The following CYP2A7 variants were observed in gnomAD, a reference collection of about 807,000 sequenced individuals.
CYP2A7 encodes cytochrome P450 2A7.
In CYP2A7, 36 loss-of-function variants were observed where a neutral mutation model predicts 42.0. The observed-to-expected ratio is 0.86, with a 90% CI of 0.66 to 1.13. The LOEUF is 1.13. Among genes scored for constraint, CYP2A7 ranks in the 50% most tolerant of loss-of-function variants. CYP2A7 has a pLI of 0.00. For missense variants in CYP2A7, 661 were observed against 634.1 expected (o/e 1.04, Z -0.46); for synonymous variants, 260 against 249.5 (o/e 1.04, Z -0.40).
Position 40,880,083 on chromosome 19 carries a change from C to G in CYP2A7, c.654+1G>C. ...TCACGGGCCGGGCTGCAGCCAGTTA[C>G]CTGCCCCGTGGAGGTTGACGTGAAC... On this transcript the variant is annotated splice_donor_variant, in intron 4 of 8. Coordinates refer to ENST00000301146, the MANE Select transcript of CYP2A7 (RefSeq NM_000764.3). LOFTEE classifies it high-confidence loss of function. 1 of 1,612,612 alleles carries G rather than the reference C, an allele frequency of 6.2e-7. No homozygotes were observed. The highest frequency in any genetic ancestry group is 8.5e-7 in the Non-Finnish European group (1 of 1,179,000).
chr19:40,877,062 G>T, intron 7 of CYP2A7, 128 bp downstream of exon 7: 1 of 1,033,706 alleles, frequency 9.7e-7, no homozygotes, highest in South Asian at 1.5e-5. Flanking sequence ...TGTGGTGGTT[G>T]GGGAAGTCCT....
rs1158141036 is a variant in CYP2A7, at chr19:40,875,838, A to C, written c.1340T>G (p.Met447Arg). 1.9e-6 allele frequency: 3 copies of C among 1,583,404 alleles called. No homozygotes were observed. Among genetic ancestry groups the C allele is most frequent in the Non-Finnish European group, 2.6e-6 (3 of 1,162,388 alleles). Residue 447 changes from methionine (M) to arginine (R), a missense_variant, in exon 9 of 9, where the codon ATG becomes AGG. Physicochemically the swap from Met to Arg is moderately conservative, Grantham distance 91. Around this residue, in one of 3 missense-constraint regions of CYP2A7, gnomAD observed 25 missense variants for 62.4 expected, o/e 0.40. Transcript: ENST00000301146. ...GGTGGTGAAGAAGAGAAAGAGCTCCATTCTGGCCAGGCCTTCTCCGAAACA... is the reference window on the plus strand; with the variant it reads ...GGTGGTGAAGAAGAGAAAGAGCTCCCTTCTGGCCAGGCCTTCTCCGAAACA... ...RNCFGEGLARMELFLFFTTVM... is the reference protein window; with the variant it reads ...RNCFGEGLARRELFLFFTTVM...
At chr19:40,879,598 T>C (rs1480273951) in intron 4 of CYP2A7, among the ~76,000 whole-genome samples, 1 of 151,660 alleles carries the variant, frequency 6.6e-6, no homozygotes, top group African/African-American at 2.4e-5. Flanking sequence ...GTCCATGTTT[T>C]CAGGCATTTA....
At chr19:40,876,397 C>T (rs1967530858) in intron 8 of CYP2A7, 130 bp downstream of exon 8, 1 of 1,487,690 alleles carries the variant, frequency 6.7e-7, no homozygotes, top group Non-Finnish European at 9.3e-7. Flanking sequence ...CAGCTGCTGG[C>T]TCAAGGGTAG....
At chr19:40,879,227 G>A (rs4803389) in intron 4 of CYP2A7, among the ~76,000 whole-genome samples, 75,449 of 151,082 alleles carry the variant, frequency 0.5, 19,661 homozygotes, top group Admixed American at 0.62. Context: ...AGATATTCAA[G>A]TGAAGTTGAG....
At chr19:40,878,293 A>G (rs570628709) in intron 5 of CYP2A7, among the ~76,000 whole-genome samples, 64 of 151,224 alleles carry the variant, frequency 4.2e-4, no homozygotes, top group African/African-American at 1.5e-3. Context: ...CTGGACTCGA[A>G]CTCCTGGGCT....
intron 4 of CYP2A7, 52 bp downstream of exon 4, chr19:40,880,032 G>A (rs1369942365): frequency 6.9e-6 from 11 of 1,600,570 alleles, no homozygotes; most frequent in African/African-American, 2.7e-5. Flanking sequence ...AGGTAGGGGA[G>A]CAGTTGGCAG....
chr19:40,882,087 A>T lies in CYP2A7; in HGVS notation c.124T>A (p.Phe42Ile). 1 of 1,613,928 alleles carries T rather than the reference A, an allele frequency of 6.2e-7. No individual in the cohort carries two copies. The highest frequency in any genetic ancestry group is 1.3e-5 in the African/African-American group (1 of 74,988). ...KLPPGPTPLPFIGNYLQLNTE... is the reference protein window; with the variant it reads ...KLPPGPTPLPIIGNYLQLNTE... The stretch of plus-strand genomic sequence containing the variant: ...TTCAGCTGGAGGTAGTTTCCAATGA[A>T]GGGCAGTGGGGTGGGTCCCGGAGGC... The change falls in exon 1 of 9, where the codon TTC becomes ATC. Residue 42 changes from phenylalanine (F) to isoleucine (I), a missense_variant. By Grantham distance (21) the Phe-to-Ile change is conservative (BLOSUM62 0). Transcript: ENST00000301146.
At position 40,877,335 on chromosome 19, in the gene CYP2A7, C is replaced by G. The variant is rs192748618; in HGVS notation, c.1016G>C (p.Arg339Pro). Reference sequence around the variant, plus strand: ...GGTCCGGTCCTCAAACTTGGGCTGCCGGTTCTTGCCGATCACTCTGTCAAT... The same window carrying G: ...GGTCCGGTCCTCAAACTTGGGCTGCGGGTTCTTGCCGATCACTCTGTCAAT... ...EEIDRVIGKN[R>P]QPKFEDRTKM... Residue 339 changes from arginine to proline, a missense_variant, in exon 7 of 9, where the codon CGG (arginine) becomes CCG (proline). Around this residue, in one of 3 missense-constraint regions of CYP2A7, gnomAD observed 614 missense variants for 552.4 expected, o/e 1.11. Coordinates refer to ENST00000301146, the MANE Select transcript of CYP2A7 (RefSeq NM_000764.3). 4.8e-5 allele frequency: 78 copies of G among 1,612,598 alleles called. 1 individual carries two copies. The East Asian group carries it at 1.7e-3, about 35-fold the overall frequency.
intron 2 of CYP2A7, 81 bp from the exon 3 acceptor site, chr19:40,880,709 G>T: frequency 6.7e-7 from 1 of 1,482,328 alleles, no homozygotes; most frequent in Non-Finnish European, 9.1e-7. Context: ...GGCTCCCCAA[G>T]GGTGGAGCAG....
At position 40,882,201 on chromosome 19, in the gene CYP2A7, A is replaced by C. The variant is rs1967714507; in HGVS notation, c.10T>G (p.Ser4Ala). 6.2e-7 allele frequency: 1 copy of C among 1,613,682 alleles called. No homozygotes were observed. Among genetic ancestry groups the C allele is most frequent in the Non-Finnish European group, 8.5e-7 (1 of 1,179,740 alleles). ...AGCAAGGCCACCAGAAGCAGCCCTG[A>C]GGCCAGCATGGTGGTAGTGAGATGA... MLA[S>A]GLLLVALLAC... The change falls in exon 1 of 9, where the codon TCA becomes GCA. Residue 4 changes from serine to alanine, a missense_variant. Ser to Ala is a moderately conservative substitution (Grantham distance 99). Coordinates refer to ENST00000301146, the MANE Select transcript of CYP2A7 (RefSeq NM_000764.3).
At chr19:40,878,983 G>A in intron 4 of CYP2A7, 47 bp from the exon 5 acceptor site, 1 of 1,568,038 alleles carries the variant, frequency 6.4e-7, no homozygotes, top group Non-Finnish European at 8.7e-7. Flanking sequence ...GCTGTCACGG[G>A]GCAGGAGCTG....
chr19:40,876,505 G>A lies in CYP2A7; in HGVS notation c.1303+22C>T, dbSNP rs904174595. ...GCCTGCTGGTGTGAGCAGTGGCCTGGCAGCAAACAGTGGTCTCTTACCGAT... is the reference window on the plus strand; with the variant it reads ...GCCTGCTGGTGTGAGCAGTGGCCTGACAGCAAACAGTGGTCTCTTACCGAT... On this transcript the variant is annotated intron_variant, in intron 8 of 8. Coordinates refer to ENST00000301146, the MANE Select transcript of CYP2A7 (RefSeq NM_000764.3). 3 of 1,612,556 alleles carry A rather than the reference G, an allele frequency of 1.9e-6. No homozygotes were observed. The African/African-American group carries it at 4.0e-5, about 22-fold the overall frequency.
chr19:40,878,526 G>T lies in CYP2A7; in HGVS notation c.831+234C>A, dbSNP rs113971769. On this transcript the variant is annotated intron_variant, in intron 5 of 8. Transcript: ENST00000301146. ...ATTTTTGGATTTTTAGTAGAGACAG[G>T]GTTTGACCATGTTGGCCAGGCTGGT... 3.4e-4 allele frequency among the ~76,000 whole-genome samples: 52 copies of T among 151,922 alleles called. 1 individual carries two copies. Among genetic ancestry groups the T allele is most frequent in the African/African-American group, 1.1e-3 (47 of 41,518 alleles).
At chr19:40,881,988 G>C in intron 1 of CYP2A7, 43 bp downstream of exon 1, 1 of 1,589,030 alleles carries the variant, frequency 6.3e-7, no homozygotes, top group South Asian at 1.2e-5. Flanking sequence ...AGCCAACTAG[G>C]CAGCCCCCAC....
chr19:40,880,427 C>A (rs1967629655), intron 3 of CYP2A7, 52 bp downstream of exon 3: 18 of 1,592,166 alleles, frequency 1.1e-5, no homozygotes, highest in Non-Finnish European at 1.5e-5. Context: ...GCGGGTTCCT[C>A]GTCCTGGGTG....
At chr19:40,877,162 G>A (rs777409361) in intron 7 of CYP2A7, 28 bp downstream of exon 7, 52 of 1,607,246 alleles carry the variant, frequency 3.2e-5, no homozygotes, top group Non-Finnish European at 3.7e-5. Context: ...GGAAGTCCCC[G>A]TAGTCTAGGG....
rs773904974 is a variant in CYP2A7, at chr19:40,882,171, A to T, written c.40T>A (p.Cys14Ser). 1.1e-5 allele frequency: 17 copies of T among 1,613,864 alleles called. No individual in the cohort carries two copies. Among genetic ancestry groups the T allele is most frequent in the African/African-American group, 2.7e-5 (2 of 74,934 alleles). The part of the protein sequence containing the change: ...SGLLLVALLA[C>S]LTVMVLMSVW... Reference sequence around the variant, plus strand: ...GACATCAAGACCATCACAGTCAGGCAGGCCAGCAAGGCCACCAGAAGCAGC... The same window carrying T: ...GACATCAAGACCATCACAGTCAGGCTGGCCAGCAAGGCCACCAGAAGCAGC... The change falls in exon 1 of 9, where the codon TGC (cysteine) becomes AGC (serine). Residue 14 changes from cysteine to serine, a missense_variant. Coordinates refer to ENST00000301146, the MANE Select transcript of CYP2A7 (RefSeq NM_000764.3).
At position 40,880,145 on chromosome 19, in the gene CYP2A7, A is replaced by C. The variant is rs1405960913; in HGVS notation, c.593T>G (p.Phe198Cys). ...GDRFDYEDKE[F>C]LSLLSMMLGI... ...TAGCATCATGCTCAGCAGTGACAGG[A>C]ACTCTTTGTCCTCATAGTCAAAGCG... Residue 198 changes from phenylalanine to cysteine, a missense_variant, in exon 4 of 9, where the codon TTC (phenylalanine) becomes TGC (cysteine). Transcript: ENST00000301146. 2 of 1,612,858 alleles carry C rather than the reference A, an allele frequency of 1.2e-6. 1 individual carries two copies. The highest frequency in any genetic ancestry group is 1.7e-6 in the Non-Finnish European group (2 of 1,179,250).
Sources: gnomAD v4.1 joint callset for allele counts (sites outside exome capture counted in the v4.1 genomes callset) on GRCh38, gnomAD v4.1.1 for gene constraint, gnomAD v4.1.1 regional missense constraint, MANE v1.5 for transcripts, NCBI Gene and HGNC (gene_info 2026-07-23, HGNC 2026-07-21) for gene names.